Variants in FRY observed in about 807,000 individuals in gnomAD.
The protein encoded by FRY is FRY microtubule binding protein.
In FRY, 128 loss-of-function variants were observed where a neutral mutation model predicts 348.4. That is an observed-to-expected ratio of 0.37 (90% confidence interval 0.32 to 0.43). The LOEUF is 0.43. Ranked by LOEUF, FRY falls within the 20% of genes least tolerant of loss-of-function variation. The probability of loss-of-function intolerance (pLI) is 1.00; values close to 1 mark genes in which losing one functional copy is unlikely to be tolerated. For synonymous variants in FRY, 1,370 were observed against 1,374.7 expected (o/e 1.00, Z 0.08); for missense variants, 2,736 against 3,695.2 (o/e 0.74, Z 6.73).
rs1436842730 is a variant in FRY, at chr13:32,131,825, T to C, written c.870T>C (p.Ser290=). 2 of 1,613,544 alleles carry C rather than the reference T, an allele frequency of 1.2e-6. No individual in the cohort carries two copies. The highest frequency in any genetic ancestry group is 2.2e-5 in the South Asian group (2 of 91,062). ...KMYPVEDFEA[S]LQFMQECAHY... is the part of the protein sequence containing the mutation. ...ATCCAGTGGAGGATTTTGAGGCCTC[T>C]CTTCAGTTTATGCAGGTAATGTCTT... The change falls in exon 8 of 61, where the codon TCT becomes TCC. Residue 290 remains serine (S), a synonymous_variant. Coordinates refer to ENST00000542859, the MANE Select transcript of FRY (RefSeq NM_023037.3).
intron 53 of FRY, among the ~76,000 whole-genome samples, chr13:32,265,160 TC>T (rs1887853178): frequency 6.6e-6 from 1 of 152,172 alleles, no homozygotes; most frequent in African/African-American, 2.4e-5. Flanking sequence ...GATGGTCTTT[TC>T]CAAGTTTAGC....
At chr13:32,206,501 T>C (rs1245525063) in intron 31 of FRY, among the ~76,000 whole-genome samples, 1 of 152,032 alleles carries the variant, frequency 6.6e-6, no homozygotes, top group Non-Finnish European at 1.5e-5. Context: ...TGAGAAAGAA[T>C]GTAGAAAGAG....
At chr13:32,282,322 A>T (rs769921901) in intron 58 of FRY, among the ~76,000 whole-genome samples, 1 of 152,218 alleles carries the variant, frequency 6.6e-6, no homozygotes, top group Non-Finnish European at 1.5e-5. Context: ...GGGGACAGGT[A>T]GAATGGGGAT....
chr13:32,144,222 A>C (rs1880262623), intron 11 of FRY, among the ~76,000 whole-genome samples: 1 of 149,762 alleles, frequency 6.7e-6, no homozygotes, highest in Admixed American at 6.7e-5. Flanking sequence ...AAAACAAACA[A>C]AAAAAAAAAC....
intron 55 of FRY, among the ~76,000 whole-genome samples, chr13:32,268,906 A>C (rs960352141): frequency 1.3e-5 from 2 of 152,172 alleles, no homozygotes; most frequent in Non-Finnish European, 2.9e-5. Context: ...ATAACTCATT[A>C]GACAGAACTC....
chr13:32,054,209 T>C (rs1280142037), intron 1 of FRY, among the ~76,000 whole-genome samples: 5 of 119,978 alleles, frequency 4.2e-5, no homozygotes, highest in East Asian at 5.9e-4. Context: ...GAACACACCC[T>C]TTTTTTTTTG....
intron 4 of FRY, among the ~76,000 whole-genome samples, chr13:32,118,516 G>C (rs1043032513): frequency 6.6e-6 from 1 of 152,040 alleles, no homozygotes; most frequent in African/African-American, 2.4e-5. Flanking sequence ...ATTTATGCAA[G>C]ATTTAATCAT....
intron 7 of FRY, among the ~76,000 whole-genome samples, chr13:32,126,557 T>G (rs1266041178): frequency 6.6e-6 from 1 of 152,224 alleles, no homozygotes; most frequent in South Asian, 2.1e-4. Context: ...ATGCCTCCAT[T>G]TGGACAGTGC....
At chr13:32,045,892 G>C (rs1207878699) in intron 1 of FRY, among the ~76,000 whole-genome samples, 3 of 152,170 alleles carry the variant, frequency 2.0e-5, no homozygotes, top group Non-Finnish European at 2.9e-5. Flanking sequence ...TTGAGGAAAG[G>C]CTTGCTGAAA....
intron 58 of FRY, among the ~76,000 whole-genome samples, chr13:32,279,734 C>A (rs994500373): frequency 2.0e-5 from 3 of 152,176 alleles, no homozygotes; most frequent in African/African-American, 7.2e-5. Context: ...TACTTTATTA[C>A]GTAAAAAGAA....
chr13:32,096,610 G>A (rs1876739167), intron 2 of FRY, among the ~76,000 whole-genome samples: 1 of 152,018 alleles, frequency 6.6e-6, no homozygotes, highest in Non-Finnish European at 1.5e-5. Flanking sequence ...GGCCAACATG[G>A]TAAAACCCCA....
rs1886206622 is a variant in FRY, at chr13:32,236,016, T to TA, written c.5716-61dup. On this transcript the variant is annotated intron_variant, in intron 42 of 60. Transcript: ENST00000542859. ...GAATACAGTTTACATTAATTAAATT[T>TA]ATCTTAGGAAATTAACAATGGTTAC... The TA allele has an allele frequency of 3.5e-6, 4 of 1,127,926 alleles. No homozygotes were observed. In the East Asian group the frequency reaches 9.4e-5, roughly 26 times the overall value. 69.9% of individuals were successfully genotyped at this position (1,127,926 alleles called of 1,614,324 possible).
chr13:32,228,549 G>A lies in FRY; in HGVS notation c.5300G>A (p.Gly1767Asp). 1 of 1,613,926 alleles carries A rather than the reference G, an allele frequency of 6.2e-7. No individual in the cohort carries two copies. The highest frequency in any genetic ancestry group is 1.7e-5 in the Admixed American group (1 of 60,018). Residue 1767 changes from glycine to aspartate, a missense_variant, in exon 40 of 61, where the codon GGC (glycine) becomes GAC (aspartate). Gly to Asp is a moderately conservative substitution (Grantham distance 94). Around this residue, in one of 9 missense-constraint regions of FRY, gnomAD observed 794 missense variants for 977.0 expected, o/e 0.81. Transcript: ENST00000542859. ...ACCTCCTCTAGCATCAGTCTGGGAG[G>A]CAGCAGTGGAAACCTCCCACAGATG... ...SSTSSSISLG[G>D]SSGNLPQMTQ...
At chr13:32,273,252 C>G (rs1434519612) in intron 55 of FRY, among the ~76,000 whole-genome samples, 1 of 138,546 alleles carries the variant, frequency 7.2e-6, no homozygotes, top group Non-Finnish European at 1.5e-5. Flanking sequence ...GAGACGGAGT[C>G]TCGCTGTCGC....
At chr13:32,181,575 C>CAAAAAAA (rs35272711) in intron 23 of FRY, among the ~76,000 whole-genome samples, 1 of 59,026 alleles carries the variant, frequency 1.7e-5, no homozygotes. Flanking sequence ...ACTCCGTCAC[C>CAAAAAAA]AAAAAAAAAA....
chr13:32,154,993 T>C (rs1434339569), intron 14 of FRY, among the ~76,000 whole-genome samples: 1 of 152,214 alleles, frequency 6.6e-6, no homozygotes, highest in African/African-American at 2.4e-5. Context: ...AAATTTCTTC[T>C]CAAACTTGCT....
intron 37 of FRY, 67 bp from the exon 38 acceptor site, chr13:32,224,866 C>A: frequency 1.1e-6 from 1 of 934,054 alleles, no homozygotes; most frequent in Non-Finnish European, 1.8e-6. Flanking sequence ...TGTACTGTAA[C>A]TTAATGATCT....
At chr13:32,289,361 T>C (rs1889221722) in intron 58 of FRY, among the ~76,000 whole-genome samples, 1 of 152,208 alleles carries the variant, frequency 6.6e-6, no homozygotes, top group African/African-American at 2.4e-5. Context: ...AACTGGCAAA[T>C]ATAATGGAAA....
intron 1 of FRY, among the ~76,000 whole-genome samples, chr13:32,032,757 T>C (rs935899068): frequency 6.6e-6 from 1 of 152,248 alleles, no homozygotes; most frequent in Admixed American, 6.5e-5. Context: ...ACAGCCTTTG[T>C]ACTTGCTTTG....
Sources: gnomAD v4.1 joint callset for allele counts (sites outside exome capture counted in the v4.1 genomes callset) on GRCh38, gnomAD v4.1.1 for gene constraint, gnomAD v4.1.1 regional missense constraint, MANE v1.5 for transcripts, NCBI Gene and HGNC (gene_info 2026-07-23, HGNC 2026-07-21) for gene names.